The following MBNL3 variants were observed in gnomAD, a reference collection of about 807,000 sequenced individuals.
MBNL3 encodes muscleblind-like protein 3.
MBNL3 carries 6 observed loss-of-function variants against 24.5 expected under a neutral mutation model. The observed-to-expected ratio is 0.25, with a 90% CI of 0.13 to 0.48. The LOEUF (loss-of-function observed/expected upper bound fraction) is 0.48. MBNL3 is among the 20% of genes least tolerant of loss of function. The pLI is 0.99. For missense variants in MBNL3, 230 were observed against 293.5 expected (o/e 0.78, Z 1.58); for synonymous variants, 100 against 101.7 (o/e 0.98, Z 0.10).
chrX:132,473,643 A>G (rs1947294023), intron 1 of MBNL3, among the ~76,000 whole-genome samples: 1 of 111,115 alleles, frequency 9.0e-6, no homozygotes, highest in Non-Finnish European at 1.9e-5. Context: ...AAAAAAACCC[A>G]TATGTATACA....
chrX:132,436,930 A>T (rs1411261375), intron 2 of MBNL3, among the ~76,000 whole-genome samples: 1 of 112,181 alleles, frequency 8.9e-6, no homozygotes, highest in African/African-American at 3.2e-5. Flanking sequence ...GGATATTAAC[A>T]TGATGCAAAC....
At position 132,373,637 on chromosome X, in the gene MBNL3, A is replaced by G. The variant is rs1420032345; in HGVS notation, c.*6029T>C. ...AGGATGGGTTCCTTCTCTAGGTACT[A>G]CAAGTACCTGTAGTGATCAAATGCT... is the stretch of plus-strand genomic sequence containing the variant. On this transcript the variant is annotated 3_prime_UTR_variant, in exon 9 of 9. Coordinates refer to ENST00000370853, the MANE Select transcript of MBNL3 (RefSeq NM_001386889.1). 1 of 111,837 alleles carries G rather than the reference A, an allele frequency of 8.9e-6. No individual in the cohort carries two copies. Among genetic ancestry groups the G allele is most frequent in the African/African-American group, 3.2e-5 (1 of 30,826 alleles). The allele number at this position is 111,837 out of a possible 1,213,427, so 9.2% of individuals were successfully genotyped here.
At chrX:132,451,623 C>T (rs778926848) in intron 1 of MBNL3, among the ~76,000 whole-genome samples, 9 of 111,409 alleles carry the variant, frequency 8.1e-5, no homozygotes, top group East Asian at 2.8e-4. Flanking sequence ...GGTGGGGGTC[C>T]GCTGAGCTAG....
intron 1 of MBNL3, among the ~76,000 whole-genome samples, chrX:132,459,444 A>G (rs1946526885): frequency 9.0e-6 from 1 of 111,626 alleles, no homozygotes; most frequent in African/African-American, 3.3e-5. Flanking sequence ...GTGCTTCCTT[A>G]GAATGGGAGA....
At chrX:132,487,149 T>G (rs1948050479) in intron 1 of MBNL3, among the ~76,000 whole-genome samples, 1 of 111,032 alleles carries the variant, frequency 9.0e-6, no homozygotes, top group East Asian at 2.8e-4. Context: ...CTTTTCTTTC[T>G]TTCTTTTTTT....
chrX:132,484,021 G>A (rs949936452), intron 1 of MBNL3, among the ~76,000 whole-genome samples: 26 of 111,539 alleles, frequency 2.3e-4, no homozygotes, highest in African/African-American at 8.2e-4. Flanking sequence ...AACAGTTAAA[G>A]AACTGTTTCT....
chrX:132,395,426 A>G (rs977342912), intron 3 of MBNL3, among the ~76,000 whole-genome samples: 2 of 112,130 alleles, frequency 1.8e-5, no homozygotes, highest in Admixed American at 9.5e-5. Flanking sequence ...AATGGTCTGA[A>G]CACTTAAATG....
In MBNL3 at chrX:132,378,741, C is replaced by A. The variant is rs1335404610; in HGVS notation, c.*925G>T. On this transcript the variant is annotated 3_prime_UTR_variant, in exon 9 of 9. Coordinates refer to ENST00000370853, the MANE Select transcript of MBNL3 (RefSeq NM_001386889.1). ...AGATGGGATTCTCAAGCCACACACA[C>A]AAAAAATCTAATGAGCACTTTACAT... 9.0e-6 allele frequency: 1 copy of A among 111,666 alleles called. No homozygotes were observed. The highest frequency in any genetic ancestry group is 1.9e-5 in the Non-Finnish European group (1 of 53,063). The allele number at this position is 111,666 out of a possible 1,213,427, so 9.2% of individuals were successfully genotyped here. A position where few individuals can be genotyped will look rare whatever the true frequency, so the allele number is the denominator to read the frequency against.
intron 8 of MBNL3, among the ~76,000 whole-genome samples, chrX:132,380,725 T>A (rs1434636477): frequency 9.0e-6 from 1 of 110,917 alleles, no homozygotes; most frequent in Non-Finnish European, 1.9e-5. Context: ...TTAATTAAAA[T>A]ACCTAGGAGT....
At chrX:132,412,748 G>A (rs775486430) in intron 2 of MBNL3, among the ~76,000 whole-genome samples, 3 of 111,731 alleles carry the variant, frequency 2.7e-5, no homozygotes, top group Non-Finnish European at 3.8e-5. Context: ...GGTTCTCATC[G>A]AATACCGTAC....
intron 3 of MBNL3, among the ~76,000 whole-genome samples, chrX:132,396,521 C>CCT (rs1406903358): frequency 0.015 from 722 of 48,065 alleles, 119 homozygotes; most frequent in African/African-American, 0.12. Context: ...CATATATATT[C>CCT]ATATATATAT....
chrX:132,464,850 C>A (rs984621071), intron 1 of MBNL3, among the ~76,000 whole-genome samples: 1 of 111,270 alleles, frequency 9.0e-6, no homozygotes, highest in Admixed American at 9.6e-5. Flanking sequence ...ACCAGCCTGG[C>A]CAACATGGTT....
At chrX:132,409,223 T>C (rs1051832182) in intron 2 of MBNL3, among the ~76,000 whole-genome samples, 4 of 112,350 alleles carry the variant, frequency 3.6e-5, no homozygotes, top group African/African-American at 1.3e-4. Context: ...AATACTTTAA[T>C]TGGTGTTTGG....
intron 3 of MBNL3, among the ~76,000 whole-genome samples, chrX:132,402,695 C>A (rs1225962159): frequency 1.8e-5 from 2 of 111,728 alleles, no homozygotes; most frequent in Non-Finnish European, 1.9e-5. Flanking sequence ...TGGCAAATGT[C>A]AATTCAGACC....
intron 3 of MBNL3, among the ~76,000 whole-genome samples, chrX:132,404,992 A>G (rs776825050): frequency 8.9e-6 from 1 of 112,222 alleles, no homozygotes; most frequent in South Asian, 3.7e-4. Context: ...TGAGGCCTGA[A>G]GAACTACAGC....
chrX:132,448,525 C>A (rs1945862939), intron 1 of MBNL3, among the ~76,000 whole-genome samples: 1 of 110,637 alleles, frequency 9.0e-6, no homozygotes, highest in African/African-American at 3.3e-5. Context: ...GTATTTGATT[C>A]TTCTCCCTTT....
intron 1 of MBNL3, among the ~76,000 whole-genome samples, chrX:132,473,655 ATGTT>A (rs1444454751): frequency 9.0e-6 from 1 of 111,388 alleles, no homozygotes; most frequent in Non-Finnish European, 1.9e-5. Context: ...ATGTATACAT[ATGTT>A]TATATATATT....
chrX:132,478,913 T>C (rs1298236539), intron 1 of MBNL3, among the ~76,000 whole-genome samples: 1 of 112,525 alleles, frequency 8.9e-6, no homozygotes, highest in East Asian at 2.8e-4. Context: ...GCTTGAAATA[T>C]GTATTTTAGA....
chrX:132,382,271 C>G lies in MBNL3; in HGVS notation c.960G>C (p.Val320=). 1 of 1,194,548 alleles carries G rather than the reference C, an allele frequency of 8.4e-7. No homozygotes were observed. Among genetic ancestry groups the G allele is most frequent in the Non-Finnish European group, 1.1e-6 (1 of 883,796 alleles). ...TAGGTGTAGCACCGTGCATCATGGG[C>G]ACTTTCAGTTGAAAACCATAGAAGC... ...ILCMAPASNI[V]PMMHGATPTT... Residue 320 remains valine (V), a splice_region_variant and synonymous_variant, in exon 8 of 9, where the codon GTG becomes GTC. Transcript: ENST00000370853.
Sources: allele counts gnomAD v4.1 joint callset (sites outside exome capture counted in the v4.1 genomes callset), GRCh38; gene constraint gnomAD v4.1.1; transcripts MANE v1.5; gene names NCBI Gene and HGNC (gene_info 2026-07-23, HGNC 2026-07-21).